The following NEK3 variants were observed in gnomAD, a reference collection of about 807,000 sequenced individuals.
The protein encoded by NEK3 is serine/threonine-protein kinase Nek3.
In NEK3, 54 loss-of-function variants were observed where a neutral mutation model predicts 66.0. The observed-to-expected ratio is 0.82, with a 90% CI of 0.66 to 1.03. NEK3 has a LOEUF of 1.03. NEK3 is among the 50% of genes least tolerant of loss of function. The pLI, the probability that NEK3 is intolerant of heterozygous loss-of-function variation, is 0.00. For missense variants in NEK3, 593 were observed against 603.0 expected (o/e 0.98, Z 0.17); for synonymous variants, 200 against 206.2 (o/e 0.97, Z 0.26).
At chr13:52,133,615 TCA>T (rs3831081) in intron 15 of NEK3, 72 bp downstream of exon 15, 30,968 of 1,279,154 alleles carry the variant, frequency 0.024, 5 homozygotes, top group South Asian at 0.045. Flanking sequence ...CTAATTTAAA[TCA>T]CACACACACA....
At chr13:52,145,849 C>A (rs974127040) in intron 8 of NEK3, among the ~76,000 whole-genome samples, 3 of 152,156 alleles carry the variant, frequency 2.0e-5, no homozygotes, top group Non-Finnish European at 2.9e-5. Context: ...TGCCCTAATA[C>A]CTACATGAGG....
chr13:52,156,932 G>C (rs1023598677), intron 1 of NEK3: 4 of 152,194 alleles, frequency 2.6e-5, no homozygotes, highest in African/African-American at 9.7e-5. Flanking sequence ...ATCTCTCATA[G>C]TCCCTGCCAA....
chr13:52,157,910 T>A (rs1210437594), intron 1 of NEK3, among the ~76,000 whole-genome samples: 2 of 152,204 alleles, frequency 1.3e-5, no homozygotes, highest in East Asian at 3.8e-4. Context: ...GGAGTCTCGC[T>A]CCTGTTGCCC....
chr13:52,159,761 C>T (rs888973307), upstream of NEK3: 1 of 152,246 alleles, frequency 6.6e-6, no homozygotes, highest in Admixed American at 6.5e-5. Flanking sequence ...GGGAAATTGT[C>T]CCCGACTAAC....
intron 8 of NEK3, among the ~76,000 whole-genome samples, chr13:52,146,379 C>T (rs1956295997): frequency 6.6e-6 from 1 of 152,166 alleles, no homozygotes; most frequent in Non-Finnish European, 1.5e-5. Flanking sequence ...TGCTTTGCCT[C>T]TGGCTTTTTA....
At chr13:52,158,243 A>G (rs1956411639) in intron 1 of NEK3, among the ~76,000 whole-genome samples, 1 of 152,244 alleles carries the variant, frequency 6.6e-6, no homozygotes, top group Non-Finnish European at 1.5e-5. Flanking sequence ...AGGCAAAGCA[A>G]AAATCAAACT....
chr13:52,143,017 G>A (rs760818867), intron 10 of NEK3, among the ~76,000 whole-genome samples: 41 of 152,170 alleles, frequency 2.7e-4, no homozygotes, highest in Non-Finnish European at 5.1e-4. Flanking sequence ...AAAAGGCTCT[G>A]GTTTTTGTCT....
chr13:52,135,833 G>C lies in NEK3; in HGVS notation c.1205C>G (p.Thr402Ser). Residue 402 changes from threonine (T) to serine (S), a missense_variant, in exon 14 of 16, where the codon ACT becomes AGT. Physicochemically the swap from Thr to Ser is moderately conservative, Grantham distance 58. Transcript: ENST00000610828. ...CTCTTTGAGCCACTGCTTACGAGTAGTATTTTTGCTGTACTTTATTACAGA... is the reference window on the plus strand; with the variant it reads ...CTCTTTGAGCCACTGCTTACGAGTACTATTTTTGCTGTACTTTATTACAGA... Reference protein sequence around the residue: ...GGSVIKYSKNTTRKQWLKETP... With the variant: ...GGSVIKYSKNSTRKQWLKETP... The C allele has an allele frequency of 3.1e-6, 5 of 1,613,448 alleles. No homozygotes were observed. The highest frequency in any genetic ancestry group is 4.2e-6 in the Non-Finnish European group (5 of 1,179,642).
At chr13:52,153,574 CTCTCT>C (rs1956364872) in intron 4 of NEK3, among the ~76,000 whole-genome samples, 2 of 152,164 alleles carry the variant, frequency 1.3e-5, no homozygotes, top group Non-Finnish European at 2.9e-5. Context: ...TAAAATAGAC[CTCTCT>C]TCTAAAATTT....
intron 7 of NEK3, among the ~76,000 whole-genome samples, chr13:52,150,802 G>A (rs971758962): frequency 6.6e-6 from 1 of 152,248 alleles, no homozygotes; most frequent in Non-Finnish European, 1.5e-5. Flanking sequence ...GATTTAATTA[G>A]TGTAGACGCA....
At position 52,133,766 on chromosome 13, in the gene NEK3, C is replaced by A; in HGVS notation, c.1359G>T (p.Ser453=). ...AATCGTGACCTCCATCAACACTGTC[C>A]GATGCTTCTGTTTCTTCAGACAGGG... ...KGPLSEETEA[S]DSVDGGHDSV... Residue 453 remains serine, a synonymous_variant, in exon 15 of 16, where the codon TCG becomes TCT. Coordinates refer to ENST00000610828, the MANE Select transcript of NEK3 (RefSeq NM_002498.3). The A allele has an allele frequency of 6.3e-7, 1 of 1,592,536 alleles. No individual in the cohort carries two copies. The highest frequency in any genetic ancestry group is 1.8e-5 in the Admixed American group (1 of 56,880).
At chr13:52,139,999 T>C (rs1054574652) in intron 11 of NEK3, among the ~76,000 whole-genome samples, 25 of 140,718 alleles carry the variant, frequency 1.8e-4, no homozygotes, top group African/African-American at 6.1e-4. Flanking sequence ...CACAGGGGTT[T>C]GAGACCAGCC....
intron 2 of NEK3, among the ~76,000 whole-genome samples, chr13:52,155,601 C>T (rs763850118): frequency 6.6e-6 from 1 of 152,226 alleles, no homozygotes; most frequent in Non-Finnish European, 1.5e-5. Context: ...TATAATGTAT[C>T]GAGCCCTTGT....
At chr13:52,150,519 A>T (rs761234961) in intron 7 of NEK3, among the ~76,000 whole-genome samples, 12 of 152,210 alleles carry the variant, frequency 7.9e-5, no homozygotes, top group Non-Finnish European at 1.2e-4. Context: ...AAAGTGGGTG[A>T]TTTCCATGTC....
At chr13:52,147,917 A>T (rs1190679317) in intron 8 of NEK3, among the ~76,000 whole-genome samples, 2 of 152,140 alleles carry the variant, frequency 1.3e-5, no homozygotes, top group African/African-American at 2.4e-5. Flanking sequence ...AATCACTTGA[A>T]CCCAGGAGGC....
At chr13:52,145,478 AT>A (rs962726088) in intron 8 of NEK3, among the ~76,000 whole-genome samples, 11 of 151,300 alleles carry the variant, frequency 7.3e-5, no homozygotes, top group African/African-American at 1.7e-4. Context: ...TAATTTTTAA[AT>A]TTTTTTTTCT....
chr13:52,156,153 G>A lies in NEK3; in HGVS notation c.39C>T (p.Gly13=), dbSNP rs1383068944. ...GAACCAAAAGAGCTCTGCCGAAGGA[G>A]CCCTCCCCAATCATTCTCAGGACCA... ...DYMVLRMIGE[G]SFGRALLVQH... is the part of the protein sequence containing the mutation. The change falls in exon 2 of 16, where the codon GGC becomes GGT. Residue 13 remains glycine, a synonymous_variant. Transcript: ENST00000610828. 1.2e-6 allele frequency: 2 copies of A among 1,605,266 alleles called. No homozygotes were observed. The highest frequency in any genetic ancestry group is 1.3e-5 in the African/African-American group (1 of 74,790).
At chr13:52,137,198 C>T (rs1330684655) in intron 11 of NEK3, among the ~76,000 whole-genome samples, 1 of 151,882 alleles carries the variant, frequency 6.6e-6, no homozygotes, top group African/African-American at 2.4e-5. Flanking sequence ...ATTAAAATGA[C>T]AGCTATTTGG....
chr13:52,141,497 G>A (rs1956249866), intron 10 of NEK3, among the ~76,000 whole-genome samples: 1 of 152,166 alleles, frequency 6.6e-6, no homozygotes, highest in African/African-American at 2.4e-5. Context: ...GAAGAGACCA[G>A]CAGGAGGAGT....
Sources: allele counts gnomAD v4.1 joint callset (sites outside exome capture counted in the v4.1 genomes callset), GRCh38; gene constraint gnomAD v4.1.1; transcripts MANE v1.5; gene names NCBI Gene and HGNC (gene_info 2026-07-23, HGNC 2026-07-21).